Variants in XPO4 observed in about 807,000 individuals in gnomAD.
XPO4 encodes exportin-4.
A neutral mutation model predicts 143.0 loss-of-function variants in XPO4; 39 were observed. The ratio of observed to expected loss-of-function variants is 0.27; its 90% CI spans 0.21 to 0.36. The LOEUF is 0.36. Ranked by LOEUF, XPO4 falls within the 10% of genes least tolerant of loss-of-function variation. The pLI is 1.00. For synonymous variants in XPO4, 439 were observed against 474.0 expected (o/e 0.93, Z 0.96); for missense variants, 907 against 1,348.0 (o/e 0.67, Z 5.12).
chr13:20,843,226 T>C (rs970917565), intron 5 of XPO4, among the ~76,000 whole-genome samples, 178 bp from the exon 6 acceptor site: 7 of 152,202 alleles, frequency 4.6e-5, no homozygotes, highest in Admixed American at 3.9e-4. Context: ...TGCTTTCAAG[T>C]GACGCCAGAT....
intron 1 of XPO4, chr13:20,879,026 A>AT (rs2060380942): frequency 2.3e-6 from 2 of 871,704 alleles, no homozygotes; most frequent in Non-Finnish European, 2.8e-6. Context: ...CTTACAAGAA[A>AT]TTAAGGAATC....
chr13:20,806,100 GA>G (rs2059500394), intron 13 of XPO4, among the ~76,000 whole-genome samples: 1 of 152,108 alleles, frequency 6.6e-6, no homozygotes, highest in Non-Finnish European at 1.5e-5. Context: ...ACAGCACCCT[GA>G]AATGAACTGC....
chr13:20,796,331 A>C (rs1483210757), intron 17 of XPO4, 75 bp from the exon 18 acceptor site: 3 of 1,094,566 alleles, frequency 2.7e-6, no homozygotes, highest in Non-Finnish European at 3.6e-6. Flanking sequence ...TATAATCTAT[A>C]TAAATTAACT....
At chr13:20,838,741 C>T (rs1368971875) in intron 6 of XPO4, among the ~76,000 whole-genome samples, 1 of 152,042 alleles carries the variant, frequency 6.6e-6, no homozygotes, top group Non-Finnish European at 1.5e-5. Context: ...CCCACCTCGG[C>T]CTCCCAAAGA....
intron 18 of XPO4, among the ~76,000 whole-genome samples, chr13:20,792,725 A>C (rs895309689): frequency 8.9e-5 from 9 of 101,246 alleles, no homozygotes; most frequent in African/African-American, 1.5e-4. Context: ...CTGTCTCACA[A>C]AAAAAAAAAA....
At chr13:20,853,148 T>C (rs143585167) in intron 4 of XPO4, 32 of 539,954 alleles carry the variant, frequency 5.9e-5, no homozygotes, top group Middle Eastern at 9.6e-4. Context: ...CTAGGCAACA[T>C]AGTGAAACCT....
chr13:20,816,496 T>A (rs2059652739), intron 9 of XPO4, among the ~76,000 whole-genome samples: 1 of 152,234 alleles, frequency 6.6e-6, no homozygotes, highest in African/African-American at 2.4e-5. Flanking sequence ...AGAATACCTA[T>A]GCAGCTGACA....
rs912928551 is a variant in XPO4 at position 20,779,870 on chromosome 13, A to G, written c.*3852T>C. On this transcript the variant is annotated 3_prime_UTR_variant, in exon 23 of 23. Transcript: ENST00000255305. ...ATATGCTTAAAATTCAACTGGAACC[A>G]TGGCATTTCACATCAATTTGAGCTC... The G allele has an allele frequency of 6.6e-6, 1 of 152,668 alleles. No individual in the cohort carries two copies. The highest frequency in any genetic ancestry group is 2.4e-5 in the African/African-American group (1 of 41,466). 9.5% of individuals were successfully genotyped at this position (152,668 alleles called of 1,614,324 possible). A position where few individuals can be genotyped will look rare whatever the true frequency, so the allele number is the denominator to read the frequency against.
intron 12 of XPO4, 65 bp downstream of exon 12, chr13:20,808,371 A>G: frequency 1.4e-6 from 2 of 1,425,296 alleles, no homozygotes; most frequent in South Asian, 1.7e-5. Flanking sequence ...TCATATAGGA[A>G]GCTTCTTTTA....
chr13:20,862,066 T>C (rs1015931589), intron 3 of XPO4, among the ~76,000 whole-genome samples: 8 of 152,058 alleles, frequency 5.3e-5, no homozygotes, highest in Admixed American at 2.6e-4. Flanking sequence ...GGATTACAGG[T>C]GTGAGTCACC....
intron 9 of XPO4, among the ~76,000 whole-genome samples, chr13:20,810,577 C>T (rs987620181): frequency 2.0e-5 from 3 of 152,214 alleles, no homozygotes; most frequent in African/African-American, 7.2e-5. Context: ...TCTCCCTCTT[C>T]TTGGTTCTCC....
intron 1 of XPO4, among the ~76,000 whole-genome samples, chr13:20,888,314 A>G (rs914408905): frequency 1.3e-5 from 2 of 152,176 alleles, no homozygotes; most frequent in Non-Finnish European, 2.9e-5. Flanking sequence ...AGTATATGGC[A>G]TGATCTTTTG....
intron 19 of XPO4, 143 bp downstream of exon 19, chr13:20,790,319 T>C (rs12867881): frequency 1.5e-5 from 10 of 673,466 alleles, no homozygotes; most frequent in Non-Finnish European, 2.3e-5. Flanking sequence ...CAAGTAACCG[T>C]TAATGAAAAT....
chr13:20,848,814 A>C, intron 4 of XPO4: 1 of 985,354 alleles, frequency 1.0e-6, no homozygotes, highest in African/African-American at 1.7e-5. Context: ...AAATTTCTAC[A>C]AGACAATTTT....
At chr13:20,892,889 T>TAAAAAAAA (rs71200313) in intron 1 of XPO4, among the ~76,000 whole-genome samples, 4 of 139,240 alleles carry the variant, frequency 2.9e-5, no homozygotes, top group South Asian at 2.3e-4. Context: ...AAGTAAAAAA[T>TAAAAAAAA]AAAAAAAAAA....
intron 18 of XPO4, among the ~76,000 whole-genome samples, chr13:20,793,055 G>A (rs1350985622): frequency 6.6e-6 from 1 of 152,168 alleles, no homozygotes; most frequent in East Asian, 1.9e-4. Flanking sequence ...CTCCCAAAGT[G>A]CTGGGATTAC....
intron 18 of XPO4, among the ~76,000 whole-genome samples, chr13:20,795,291 G>C (rs1484599277): frequency 6.6e-6 from 1 of 152,168 alleles, no homozygotes; most frequent in Non-Finnish European, 1.5e-5. Flanking sequence ...GAACTCTACA[G>C]CACTGAAAAC....
chr13:20,792,495 G>C (rs1279418343), intron 18 of XPO4, among the ~76,000 whole-genome samples: 1 of 152,138 alleles, frequency 6.6e-6, no homozygotes, highest in Non-Finnish European at 1.5e-5. Context: ...CTTGAACCGA[G>C]GAGGCAGAGG....
chr13:20,857,974 A>G lies in XPO4; in HGVS notation c.318-2209T>C, dbSNP rs539962896. 11 of 985,322 alleles carry G rather than the reference A, an allele frequency of 1.1e-5. No individual in the cohort carries two copies. The East Asian group carries it at 6.8e-4, about 61-fold the overall frequency. The allele number at this position is 985,322 out of a possible 1,614,324, so 61.0% of individuals were successfully genotyped here. On this transcript the variant is annotated intron_variant, in intron 3 of 22. Transcript: ENST00000255305. ...GTACACATTATTTATGTAATAGTCT[A>G]CTACATAGCCTATAGTATTCTACCT...
Sources: gnomAD v4.1 joint callset for allele counts (sites outside exome capture counted in the v4.1 genomes callset) on GRCh38, gnomAD v4.1.1 for gene constraint, MANE v1.5 for transcripts, NCBI Gene and HGNC (gene_info 2026-07-23, HGNC 2026-07-21) for gene names.